The following PDE7B variants were observed in gnomAD, a reference collection of about 807,000 sequenced individuals.
PDE7B encodes the protein 3',5'-cyclic-AMP phosphodiesterase 7B.
Under a neutral mutation model 56.2 loss-of-function variants are expected in PDE7B, and 29 were observed. That is an observed-to-expected ratio of 0.52 (90% CI 0.38 to 0.70). The LOEUF (loss-of-function observed/expected upper bound fraction) is 0.70. PDE7B is among the 30% of genes least tolerant of loss of function. PDE7B has a pLI of 0.00. For synonymous variants in PDE7B, 197 were observed against 196.9 expected, an observed-to-expected ratio of 1.00 and a Z score of 0.00; for missense variants, 490 against 565.0, an observed-to-expected ratio of 0.87 and a Z score of 1.35.
In PDE7B at chr6:135,922,605, T is replaced by C. The variant is rs114774272; in HGVS notation, c.22-24859T>C. Among the ~76,000 whole-genome samples the C allele has an allele frequency of 2.6e-3, 401 of 152,312 alleles. 4 individuals carry two copies. Among genetic ancestry groups the C allele is most frequent in the African/African-American group, 9.5e-3 (393 of 41,584 alleles). ...TTTTCATCTTTTGAGTTACAAGACT[T>C]CTTTAATGTGAATATTCCCTAAGTG... On this transcript the variant is annotated intron_variant, in intron 1 of 12. Coordinates refer to ENST00000308191, the MANE Select transcript of PDE7B (RefSeq NM_018945.4).
intron 2 of PDE7B, among the ~76,000 whole-genome samples, chr6:135,983,274 C>A (rs1274065388): frequency 6.6e-6 from 1 of 152,138 alleles, no homozygotes; most frequent in African/African-American, 2.4e-5. Context: ...TGAGTTCACC[C>A]CTACCATGGG....
intron 3 of PDE7B, among the ~76,000 whole-genome samples, chr6:136,115,383 A>G (rs186632236): frequency 6.6e-6 from 1 of 152,294 alleles, no homozygotes; most frequent in Admixed American, 6.5e-5. Flanking sequence ...GCTAAGGTCA[A>G]CTATTAGGGC....
At chr6:135,860,896 C>G (rs1274511237) in intron 1 of PDE7B, among the ~76,000 whole-genome samples, 1 of 151,498 alleles carries the variant, frequency 6.6e-6, no homozygotes, top group Non-Finnish European at 1.5e-5. Context: ...AGAAAATTAT[C>G]TAACATATAA....
chr6:135,905,942 G>A (rs7769670), intron 1 of PDE7B, among the ~76,000 whole-genome samples: 30,378 of 152,034 alleles, frequency 0.2, 4,104 homozygotes, highest in African/African-American at 0.38. Flanking sequence ...CCTGTGCTGC[G>A]GTGACCCTGT....
At chr6:136,176,784 A>G (rs1011974533) in intron 9 of PDE7B, among the ~76,000 whole-genome samples, 8 of 152,186 alleles carry the variant, frequency 5.3e-5, no homozygotes, top group Non-Finnish European at 1.0e-4. Context: ...TTCTCGTACT[A>G]TTGATAGCAT....
chr6:136,083,909 G>A (rs1777246185), intron 2 of PDE7B, among the ~76,000 whole-genome samples: 2 of 151,988 alleles, frequency 1.3e-5, no homozygotes, highest in African/African-American at 4.8e-5. Flanking sequence ...AGCAACAAAT[G>A]ATTTCTGAAA....
At chr6:136,007,792 T>C (rs897041036) in intron 2 of PDE7B, among the ~76,000 whole-genome samples, 6 of 151,892 alleles carry the variant, frequency 4.0e-5, no homozygotes, top group Non-Finnish European at 8.8e-5. Context: ...TGGTTATTTT[T>C]ATTTCTGTGA....
intron 2 of PDE7B, among the ~76,000 whole-genome samples, chr6:136,026,301 G>A (rs576683720): frequency 3.3e-5 from 5 of 149,822 alleles, no homozygotes; most frequent in South Asian, 2.1e-4. Flanking sequence ...CTCTGGTCAC[G>A]ATGAGAGATG....
intron 1 of PDE7B, among the ~76,000 whole-genome samples, chr6:135,867,289 T>C (rs1230322847): frequency 1.3e-5 from 2 of 152,166 alleles, no homozygotes; most frequent in East Asian, 3.9e-4. Flanking sequence ...GTATTTTTGT[T>C]CCTTTTCAAA....
At position 136,053,673 on chromosome 6, in the gene PDE7B, C is replaced by T. The variant is rs149463209; in HGVS notation, c.83-55058C>T. On this transcript the variant is annotated intron_variant, in intron 2 of 12. Coordinates refer to ENST00000308191, the MANE Select transcript of PDE7B (RefSeq NM_018945.4). ...TGGTTAAGCTAGTTTACAGTCCCAC[C>T]AACATTGTAAAAGTGTTCCTATTTC... Among the ~76,000 whole-genome samples the T allele has an allele frequency of 2.4e-3, 359 of 152,262 alleles. 3 individuals carry two copies. The highest frequency in any genetic ancestry group is 7.9e-3 in the African/African-American group (328 of 41,536).
At chr6:136,102,418 G>A (rs973980006) in intron 2 of PDE7B, among the ~76,000 whole-genome samples, 21 of 152,108 alleles carry the variant, frequency 1.4e-4, no homozygotes, top group Non-Finnish European at 2.9e-4. Flanking sequence ...AAAAAACAAC[G>A]AACTTTGCTT....
chr6:136,092,476 G>A (rs142350692), intron 2 of PDE7B, among the ~76,000 whole-genome samples: 1 of 152,296 alleles, frequency 6.6e-6, no homozygotes, highest in Non-Finnish European at 1.5e-5. Flanking sequence ...AACTGAGAGT[G>A]AAGGCCGGGT....
At chr6:135,957,875 C>T (rs1774826059) in intron 2 of PDE7B, among the ~76,000 whole-genome samples, 1 of 152,124 alleles carries the variant, frequency 6.6e-6, no homozygotes, top group South Asian at 2.1e-4. Context: ...GGTGCTAAGC[C>T]ATTTGAGCTC....
chr6:135,932,962 G>A (rs908287808), intron 1 of PDE7B, among the ~76,000 whole-genome samples: 7 of 152,198 alleles, frequency 4.6e-5, no homozygotes. Context: ...GTCATAGATG[G>A]CATGGAGTAT....
chr6:136,079,777 A>G (rs1777178435), intron 2 of PDE7B, among the ~76,000 whole-genome samples: 1 of 151,810 alleles, frequency 6.6e-6, no homozygotes, highest in African/African-American at 2.4e-5. Context: ...TGACTTCTCA[A>G]AGGGTATGGC....
At chr6:136,027,025 C>T (rs1776164525) in intron 2 of PDE7B, among the ~76,000 whole-genome samples, 1 of 152,074 alleles carries the variant, frequency 6.6e-6, no homozygotes, top group Non-Finnish European at 1.5e-5. Context: ...AAAGAGACAC[C>T]AGAGAGCTTG....
chr6:136,090,564 A>G (rs564069884), intron 2 of PDE7B, among the ~76,000 whole-genome samples: 5 of 152,270 alleles, frequency 3.3e-5, no homozygotes, highest in South Asian at 4.1e-4. Context: ...ACAGTAGTAC[A>G]TTTTATTATT....
intron 1 of PDE7B, among the ~76,000 whole-genome samples, chr6:135,915,054 C>T (rs1330203889): frequency 1.3e-5 from 2 of 150,992 alleles, no homozygotes; most frequent in African/African-American, 2.4e-5. Context: ...TATTGTACTA[C>T]TGCACTCCAG....
chr6:136,036,062 CATT>C (rs1321716384), intron 2 of PDE7B, among the ~76,000 whole-genome samples: 7 of 152,152 alleles, frequency 4.6e-5, no homozygotes, highest in African/African-American at 1.7e-4. Flanking sequence ...GAGTTTAAGA[CATT>C]ATTCAGGAAA....
Sources: gnomAD v4.1 joint callset for allele counts (sites outside exome capture counted in the v4.1 genomes callset) on GRCh38, gnomAD v4.1.1 for gene constraint, MANE v1.5 for transcripts, NCBI Gene and HGNC (gene_info 2026-07-23, HGNC 2026-07-21) for gene names.